NEDD4L: variants seen among roughly 807,000 people sequenced by gnomAD.
NEDD4L encodes E3 ubiquitin-protein ligase NEDD4-like.
Under a neutral mutation model 148.9 loss-of-function variants are expected in NEDD4L, and 54 were observed. The observed-to-expected ratio is 0.36, with a 90% CI of 0.29 to 0.45. The LOEUF (loss-of-function observed/expected upper bound fraction) is 0.45, where lower values mean the gene tolerates loss of function less well. Ranked by LOEUF, NEDD4L falls within the 20% of genes least tolerant of loss-of-function variation. The pLI, the probability that NEDD4L is intolerant of heterozygous loss-of-function variation, is 1.00. For synonymous variants in NEDD4L, 433 were observed against 440.7 expected (o/e 0.98, Z 0.22); for missense variants, 856 against 1,233.8 (o/e 0.69, Z 4.59).
intron 1 of NEDD4L, among the ~76,000 whole-genome samples, chr18:58,066,020 A>G (rs2082572457): frequency 2.0e-5 from 3 of 152,250 alleles, no homozygotes; most frequent in African/African-American, 7.2e-5. Flanking sequence ...ATAATCAGTC[A>G]TACTCTTTAA....
chr18:58,120,465 T>C (rs1371941285), intron 1 of NEDD4L, among the ~76,000 whole-genome samples: 1 of 152,174 alleles, frequency 6.6e-6, no homozygotes, highest in Non-Finnish European at 1.5e-5. Flanking sequence ...ATAATGAGTA[T>C]GCAGCAAATG....
chr18:58,367,963 A>G, intron 22 of NEDD4L, 96 bp downstream of exon 22: 1 of 1,291,014 alleles, frequency 7.7e-7, no homozygotes, highest in Non-Finnish European at 1.1e-6. Flanking sequence ...CAAAAGCTTC[A>G]CTGGTTTACT....
At chr18:58,212,088 C>T (rs945287575) in intron 2 of NEDD4L, among the ~76,000 whole-genome samples, 12 of 152,236 alleles carry the variant, frequency 7.9e-5, no homozygotes, top group Admixed American at 3.3e-4. Context: ...AAATTTGATA[C>T]GCACAAGCTA....
intron 5 of NEDD4L, among the ~76,000 whole-genome samples, chr18:58,278,269 A>G (rs1481579021): frequency 6.6e-6 from 1 of 152,192 alleles, no homozygotes; most frequent in East Asian, 1.9e-4. Context: ...CTGACCCTTC[A>G]GCATGGCCAG....
intron 16 of NEDD4L, 114 bp from the exon 17 acceptor site, chr18:58,349,423 C>T: frequency 2.6e-6 from 2 of 768,702 alleles, no homozygotes; most frequent in Non-Finnish European, 4.6e-6. Flanking sequence ...TCTCACGCTC[C>T]AGGCATGGAC....
chr18:58,373,775 C>T (rs1943995), intron 24 of NEDD4L, among the ~76,000 whole-genome samples: 3,024 of 152,286 alleles, frequency 0.02, 102 homozygotes, highest in African/African-American at 0.07. Context: ...TCAGGCTGGA[C>T]TAATCCTCAA....
At chr18:58,096,334 A>ATTATTTTATT (rs1555690129) in intron 1 of NEDD4L, among the ~76,000 whole-genome samples, 3,908 of 147,418 alleles carry the variant, frequency 0.027, 278 homozygotes, top group African/African-American at 0.095. Context: ...CCTTAGTGTG[A>ATTATTTTATT]TTATTTTATT....
rs1363464019 is a variant in NEDD4L at position 58,351,003 on chromosome 18, G to A, written c.1666G>A (p.Glu556Lys). 1.9e-6 allele frequency: 3 copies of A among 1,592,792 alleles called. No homozygotes were observed. The highest frequency in any genetic ancestry group is 2.6e-6 in the Non-Finnish European group (3 of 1,168,820). The change falls in exon 18 of 31, where the codon GAA becomes AAA. Residue 556 changes from glutamate to lysine, a missense_variant. Around this residue, in one of 4 missense-constraint regions of NEDD4L, gnomAD observed 286 missense variants for 531.8 expected, o/e 0.54. Coordinates refer to ENST00000400345, the MANE Select transcript of NEDD4L (RefSeq NM_001144967.3). ...CCCCGGATACTAGCCTGGCTGGGAA[G>A]AAAGAATTCACTTGGATGGCCGAAC... ...DLGPLPPGWE[E>K]RIHLDGRTFY...
rs758477675 is a variant in NEDD4L, at chr18:58,329,006, C to T, written c.692C>T (p.Ser231Leu). The T allele has an allele frequency of 8.1e-6, 13 of 1,613,868 alleles. No homozygotes were observed. Among genetic ancestry groups the T allele is most frequent in the South Asian group, 4.4e-5 (4 of 91,086 alleles). ...WHRPSLMDVS[S>L]ESDNNIRQIN... Reference sequence around the variant, plus strand: ...TCCTGCATGCTCAGGGACGTGTCCTCGGAGTCGGACAATAACATCAGACAG... The same window carrying T: ...TCCTGCATGCTCAGGGACGTGTCCTTGGAGTCGGACAATAACATCAGACAG... Residue 231 changes from serine to leucine, a missense_variant, in exon 10 of 31, where the codon TCG becomes TTG. Transcript: ENST00000400345.
chr18:58,279,291 A>G (rs11662707), intron 5 of NEDD4L, among the ~76,000 whole-genome samples: 30,798 of 152,192 alleles, frequency 0.2, 3,244 homozygotes, highest in East Asian at 0.29. Flanking sequence ...GATAATGCAC[A>G]TGACAGAATG....
chr18:58,082,421 A>G (rs1001457995), intron 1 of NEDD4L, among the ~76,000 whole-genome samples: 3 of 151,164 alleles, frequency 2.0e-5, no homozygotes, highest in African/African-American at 7.3e-5. Flanking sequence ...TCGAGATAGT[A>G]CTGTTTATGC....
chr18:58,094,449 A>G lies in NEDD4L; in HGVS notation c.48+49741A>G, dbSNP rs1374356105. Among the ~76,000 whole-genome samples, 16 of 151,714 alleles carry G rather than the reference A, an allele frequency of 1.1e-4. 1 individual carries two copies. Among genetic ancestry groups the G allele is most frequent in the Admixed American group, 1.0e-3 (16 of 15,252 alleles). ...CGATCTGCCCGCCTCAGCCTCCTAC[A>G]GTGTTGGGATTACAGACGTGAGCCA... On this transcript the variant is annotated intron_variant, in intron 1 of 30. Coordinates refer to ENST00000400345, the MANE Select transcript of NEDD4L (RefSeq NM_001144967.3).
chr18:58,361,904 C>T (rs901202099), intron 19 of NEDD4L, among the ~76,000 whole-genome samples: 3 of 151,176 alleles, frequency 2.0e-5, no homozygotes, highest in Non-Finnish European at 4.4e-5. Context: ...AAAAAATGTA[C>T]GTGTAATCTC....
At chr18:58,276,279 G>A (rs1054505429) in intron 5 of NEDD4L, among the ~76,000 whole-genome samples, 1 of 148,838 alleles carries the variant, frequency 6.7e-6, no homozygotes, top group Non-Finnish European at 1.5e-5. Flanking sequence ...AGCTATCTCA[G>A]CTCACTGCAA....
intron 1 of NEDD4L, among the ~76,000 whole-genome samples, chr18:58,105,290 G>A (rs1048470046): frequency 2.0e-5 from 3 of 152,068 alleles, no homozygotes; most frequent in Non-Finnish European, 4.4e-5. Flanking sequence ...TGAGCTCATC[G>A]GATGCTTTCG....
At chr18:58,109,534 C>A (rs1351229124) in intron 1 of NEDD4L, among the ~76,000 whole-genome samples, 1 of 150,248 alleles carries the variant, frequency 6.7e-6, no homozygotes, top group Non-Finnish European at 1.5e-5. Context: ...GGGGACAGAT[C>A]ACACAGGCTT....
At chr18:58,395,575 T>A (rs1325791521) in intron 30 of NEDD4L, among the ~76,000 whole-genome samples, 13 of 151,884 alleles carry the variant, frequency 8.6e-5, no homozygotes, top group Admixed American at 8.5e-4. Flanking sequence ...CTGACTTTGA[T>A]CAGAGGAGGT....
chr18:58,199,034 C>T (rs531343627), intron 2 of NEDD4L, among the ~76,000 whole-genome samples: 64 of 152,294 alleles, frequency 4.2e-4, no homozygotes, highest in African/African-American at 1.3e-3. Flanking sequence ...TCAGGTGATC[C>T]GCCTGCCTCG....
intron 2 of NEDD4L, among the ~76,000 whole-genome samples, chr18:58,175,482 CAG>C (rs147035011): frequency 0.08 from 12,163 of 152,346 alleles, 1,592 homozygotes; most frequent in African/African-American, 0.27. Flanking sequence ...TTACTCTGTG[CAG>C]AGTCTGTCTG....
Sources: allele counts gnomAD v4.1 joint callset (sites outside exome capture counted in the v4.1 genomes callset), GRCh38; gene constraint gnomAD v4.1.1; regional missense constraint gnomAD v4.1.1; transcripts MANE v1.5; gene names NCBI Gene and HGNC (gene_info 2026-07-23, HGNC 2026-07-21).